The following ANO4 variants were observed in gnomAD, a reference collection of about 807,000 sequenced individuals.
ANO4 encodes the protein anoctamin-4.
ANO4 carries 69 observed loss-of-function variants against 141.9 expected under a neutral mutation model. The observed-to-expected ratio is 0.49, with a 90% CI of 0.40 to 0.59. The LOEUF (loss-of-function observed/expected upper bound fraction) is 0.59. Ranked by LOEUF, ANO4 falls within the 20% of genes least tolerant of loss-of-function variation. The pLI, the probability that ANO4 is intolerant of heterozygous loss-of-function variation, is 0.00. For missense variants in ANO4, 894 were observed against 1,162.2 expected, an observed-to-expected ratio of 0.77 and a Z score of 3.36; for synonymous variants, 350 against 394.3, an observed-to-expected ratio of 0.89 and a Z score of 1.33.
At chr12:100,891,809 C>T (rs2040121022) in intron 1 of ANO4, among the ~76,000 whole-genome samples, 3 of 152,046 alleles carry the variant, frequency 2.0e-5, no homozygotes, top group South Asian at 2.1e-4. Context: ...GAATACAATA[C>T]ATTATTATTA....
At chr12:100,771,484 C>T (rs575060333) in intron 3 of ANO4, among the ~76,000 whole-genome samples, 1 of 152,150 alleles carries the variant, frequency 6.6e-6, no homozygotes, top group African/African-American at 2.4e-5. Context: ...CACCACCCCC[C>T]ACCCCAGTTC....
chr12:100,767,569 G>T (rs908812579), intron 3 of ANO4, among the ~76,000 whole-genome samples: 1 of 152,136 alleles, frequency 6.6e-6, no homozygotes, highest in African/African-American at 2.4e-5. Flanking sequence ...ATGGGCAGGT[G>T]GTGTATACAG....
chr12:100,860,315 G>T (rs1333308211), intron 1 of ANO4, among the ~76,000 whole-genome samples: 1 of 152,170 alleles, frequency 6.6e-6, no homozygotes, highest in Non-Finnish European at 1.5e-5. Context: ...ACCAGGGATT[G>T]TGAAGAGTTT....
At chr12:101,075,149 G>A (rs1366698801) in intron 14 of ANO4, among the ~76,000 whole-genome samples, 3 of 152,162 alleles carry the variant, frequency 2.0e-5, no homozygotes, top group Non-Finnish European at 4.4e-5. Flanking sequence ...GTGAGGGTAG[G>A]AGTTGACCAG....
At chr12:101,120,705 G>A in intron 26 of ANO4, 80 bp downstream of exon 26, 1 of 1,109,656 alleles carries the variant, frequency 9.0e-7, no homozygotes, top group Admixed American at 1.9e-5. Context: ...TAAGTGATGG[G>A]GATTTTGAAT....
intron 2 of ANO4, among the ~76,000 whole-genome samples, chr12:100,919,599 A>G (rs1360992285): frequency 6.6e-6 from 1 of 151,630 alleles, no homozygotes; most frequent in Non-Finnish European, 1.5e-5. Context: ...CACAATGATG[A>G]TATCTACCAA....
At chr12:100,721,252 T>TCTA (rs986697000) in intron 1 of ANO4, among the ~76,000 whole-genome samples, 1 of 152,210 alleles carries the variant, frequency 6.6e-6, no homozygotes, top group African/African-American at 2.4e-5. Context: ...TGTTCCAGGC[T>TCTA]CTAGCCTTAA....
intron 14 of ANO4, among the ~76,000 whole-genome samples, chr12:101,065,799 A>G (rs2048560090): frequency 6.6e-6 from 1 of 152,202 alleles, no homozygotes; most frequent in African/African-American, 2.4e-5. Context: ...CCAGACAAAG[A>G]CACATCAAAA....
chr12:101,064,533 G>A (rs2048489689), intron 14 of ANO4, among the ~76,000 whole-genome samples: 1 of 152,076 alleles, frequency 6.6e-6, no homozygotes, highest in South Asian at 2.1e-4. Context: ...GGAGGCTAGG[G>A]AAGGGATAGC....
Position 101,010,689 on chromosome 12 carries a change from C to G in ANO4, c.735-9345C>G, listed in dbSNP as rs544573179. On this transcript the variant is annotated intron_variant, in intron 8 of 27. Coordinates refer to ENST00000392977, the MANE Select transcript of ANO4 (RefSeq NM_001286615.2). Reference sequence around the variant, plus strand: ...AGTTAACTGTATCACCTTTGCTTCTCCTTGTTAAAAAAGAAATACCTATTT... The same window carrying G: ...AGTTAACTGTATCACCTTTGCTTCTGCTTGTTAAAAAAGAAATACCTATTT... Among the ~76,000 whole-genome samples the G allele has an allele frequency of 5.3e-5, 8 of 152,162 alleles. No individual in the cohort carries two copies. In the East Asian group the frequency reaches 1.5e-3, roughly 29 times the overall value.
chr12:101,043,773 C>T, intron 13 of ANO4, 138 bp downstream of exon 13: 2 of 645,350 alleles, frequency 3.1e-6, no homozygotes, highest in Non-Finnish European at 5.4e-6. Flanking sequence ...CTCCATCATT[C>T]AGTATTCTAA....
At chr12:101,103,941 A>G (rs548344218) in intron 22 of ANO4, among the ~76,000 whole-genome samples, 2 of 151,976 alleles carry the variant, frequency 1.3e-5, no homozygotes, top group Admixed American at 6.5e-5. Context: ...TTCTTCTAGC[A>G]TCTGTTTTCA....
chr12:101,103,504 A>T (rs556307421), intron 22 of ANO4, among the ~76,000 whole-genome samples: 64 of 151,594 alleles, frequency 4.2e-4, no homozygotes, highest in African/African-American at 1.4e-3. Context: ...GTGATTTTTT[A>T]AAAAATTTTA....
chr12:100,982,590 C>T (rs1168481029), intron 7 of ANO4, among the ~76,000 whole-genome samples: 1 of 152,192 alleles, frequency 6.6e-6, no homozygotes, highest in Non-Finnish European at 1.5e-5. Context: ...ATCACTCAAT[C>T]GAGCCCTTTG....
chr12:100,771,205 G>A (rs1488004539), intron 3 of ANO4, among the ~76,000 whole-genome samples: 3 of 151,410 alleles, frequency 2.0e-5, no homozygotes, highest in Non-Finnish European at 4.4e-5. Context: ...GGTTTGATGG[G>A]GGCCATGGCA....
chr12:100,811,973 A>G (rs1378595005), intron 1 of ANO4, among the ~76,000 whole-genome samples: 1 of 152,168 alleles, frequency 6.6e-6, no homozygotes, highest in Non-Finnish European at 1.5e-5. Flanking sequence ...TGCTAATGAT[A>G]TACCACATGT....
At chr12:100,875,159 T>C (rs1244951475) in intron 1 of ANO4, among the ~76,000 whole-genome samples, 1 of 152,158 alleles carries the variant, frequency 6.6e-6, no homozygotes, top group Non-Finnish European at 1.5e-5. Flanking sequence ...GTTTTGTGCC[T>C]GCCCACCTCA....
chr12:100,817,614 G>A (rs2035809494), intron 1 of ANO4, among the ~76,000 whole-genome samples: 1 of 151,912 alleles, frequency 6.6e-6, no homozygotes, highest in South Asian at 2.1e-4. Flanking sequence ...CTATTGTTCA[G>A]TTGTTGGATT....
At chr12:100,856,762 C>T (rs2038195193) in intron 1 of ANO4, among the ~76,000 whole-genome samples, 1 of 152,094 alleles carries the variant, frequency 6.6e-6, no homozygotes, top group Non-Finnish European at 1.5e-5. Flanking sequence ...GGAATCAGAG[C>T]AGCTTCGCAT....
Sources: gnomAD v4.1 joint callset for allele counts (sites outside exome capture counted in the v4.1 genomes callset) on GRCh38, gnomAD v4.1.1 for gene constraint, MANE v1.5 for transcripts, NCBI Gene and HGNC (gene_info 2026-07-23, HGNC 2026-07-21) for gene names.